TMEM117: variants seen among roughly 807,000 people sequenced by gnomAD.
TMEM117 encodes the protein transmembrane protein 117.
Under a neutral mutation model 52.4 loss-of-function variants are expected in TMEM117, and 27 were observed. The ratio of observed to expected loss-of-function variants is 0.51; its 90% CI spans 0.38 to 0.71. The LOEUF is 0.71. Among genes scored for constraint, TMEM117 ranks in the 30% least tolerant of loss-of-function variants. The pLI is 0.00. For synonymous variants in TMEM117, 215 were observed against 206.3 expected, an observed-to-expected ratio of 1.04 and a Z score of -0.36; for missense variants, 556 against 630.5, an observed-to-expected ratio of 0.88 and a Z score of 1.26.
intron 5 of TMEM117, among the ~76,000 whole-genome samples, chr12:44,219,854 G>A (rs774220484): frequency 3.3e-5 from 5 of 152,080 alleles, no homozygotes; most frequent in Non-Finnish European, 5.9e-5. Context: ...AGAACAGTTG[G>A]TATCTAAAGT....
intron 6 of TMEM117, among the ~76,000 whole-genome samples, chr12:44,348,433 C>T (rs1376529606): frequency 6.6e-6 from 1 of 151,786 alleles, no homozygotes; most frequent in Non-Finnish European, 1.5e-5. Flanking sequence ...ACCAATACCC[C>T]CTTTTCTTAG....
intron 2 of TMEM117, among the ~76,000 whole-genome samples, chr12:43,913,613 A>G (rs570873182): frequency 6.6e-6 from 1 of 152,242 alleles, no homozygotes; most frequent in East Asian, 1.9e-4. Context: ...ATTTAAATCT[A>G]ACATCCAGGT....
intron 7 of TMEM117, among the ~76,000 whole-genome samples, chr12:44,386,866 G>A (rs576210420): frequency 5.3e-5 from 8 of 151,890 alleles, no homozygotes; most frequent in African/African-American, 1.2e-4. Flanking sequence ...TAAACTCCTC[G>A]CAGTTATGTC....
At chr12:44,134,595 G>A (rs547010600) in intron 3 of TMEM117, among the ~76,000 whole-genome samples, 1 of 152,214 alleles carries the variant, frequency 6.6e-6, no homozygotes, top group South Asian at 2.1e-4. Context: ...ACAAAGTGTG[G>A]GCACATCTGT....
intron 7 of TMEM117, among the ~76,000 whole-genome samples, chr12:44,379,535 G>T (rs1299257155): frequency 1.3e-5 from 2 of 152,154 alleles, no homozygotes; most frequent in African/African-American, 2.4e-5. Flanking sequence ...TTTCTCTCTT[G>T]CTTTTGTTCT....
At chr12:44,358,084 A>G (rs1412994328) in intron 6 of TMEM117, among the ~76,000 whole-genome samples, 1 of 152,150 alleles carries the variant, frequency 6.6e-6, no homozygotes, top group Non-Finnish European at 1.5e-5. Flanking sequence ...GAAACCAAAT[A>G]CCACATGTTG....
intron 6 of TMEM117, among the ~76,000 whole-genome samples, chr12:44,343,336 A>G (rs1207893122): frequency 6.6e-6 from 1 of 152,068 alleles, no homozygotes; most frequent in Non-Finnish European, 1.5e-5. Flanking sequence ...TTCAGTTGTT[A>G]TTTCCTATGG....
intron 4 of TMEM117, among the ~76,000 whole-genome samples, chr12:44,201,968 CAT>C (rs1220148816): frequency 1.3e-5 from 2 of 151,828 alleles, no homozygotes; most frequent in Admixed American, 6.6e-5. Context: ...ATCTTTATAT[CAT>C]GTGATATATC....
chr12:44,119,915 G>A (rs940759297), intron 3 of TMEM117, among the ~76,000 whole-genome samples: 1 of 152,170 alleles, frequency 6.6e-6, no homozygotes, highest in African/African-American at 2.4e-5. Context: ...TGCTCACCAT[G>A]GGCAGTGGTG....
intron 5 of TMEM117, among the ~76,000 whole-genome samples, chr12:44,219,528 A>G (rs1199452940): frequency 3.3e-5 from 5 of 152,154 alleles, no homozygotes; most frequent in African/African-American, 1.2e-4. Flanking sequence ...ATGATGTATT[A>G]CCAGAAACTT....
intron 6 of TMEM117, among the ~76,000 whole-genome samples, chr12:44,337,833 GA>G (rs1177028666): frequency 6.6e-6 from 1 of 152,026 alleles, no homozygotes; most frequent in African/African-American, 2.4e-5. Flanking sequence ...ATATTTGGGG[GA>G]AAATGTATAA....
intron 2 of TMEM117, among the ~76,000 whole-genome samples, chr12:43,861,241 C>T (rs1943483821): frequency 6.6e-6 from 1 of 152,036 alleles, no homozygotes; most frequent in Non-Finnish European, 1.5e-5. Context: ...ACTCTCAGAT[C>T]CCCCCATAGA....
rs1236771006 is a variant in TMEM117 at position 44,388,899 on chromosome 12, A to G, written c.*227A>G. On this transcript the variant is annotated 3_prime_UTR_variant, in exon 8 of 8. Coordinates refer to ENST00000266534, the MANE Select transcript of TMEM117 (RefSeq NM_032256.3). Reference sequence around the variant, plus strand: ...AGTCCTCTAGAGATTGCTTTTCACAATTGCACAAGCTATTACTGACTTTAC... The same window carrying G: ...AGTCCTCTAGAGATTGCTTTTCACAGTTGCACAAGCTATTACTGACTTTAC... 1 of 525,102 alleles carries G rather than the reference A, an allele frequency of 1.9e-6. No homozygotes were observed. The allele number at this position is 525,102 out of a possible 1,614,324, so 32.5% of individuals were successfully genotyped here. A position where few individuals can be genotyped will look rare whatever the true frequency, so the allele number is the denominator to read the frequency against.
rs572214629 is a variant in TMEM117 at position 44,195,935 on chromosome 12, A to G, written c.511-15355A>G. On this transcript the variant is annotated intron_variant, in intron 4 of 7. Transcript: ENST00000266534. ...AAATAAATAAATAAATAAATAAATAAATAACTGGGCATGGTGACACATACT... is the reference window on the plus strand; with the variant it reads ...AAATAAATAAATAAATAAATAAATAGATAACTGGGCATGGTGACACATACT... Among the ~76,000 whole-genome samples the G allele has an allele frequency of 3.3e-5, 5 of 149,412 alleles. No individual in the cohort carries two copies. The East Asian group carries it at 9.8e-4, about 29-fold the overall frequency.
At position 44,230,678 on chromosome 12, in the gene TMEM117, A is replaced by G. The variant is rs535862973; in HGVS notation, c.608+19291A>G. ...GGTACTTCCCTATTTACAATCATCA[A>G]TTGGCTCCCCTGTGCTCTTATAACT... On this transcript the variant is annotated intron_variant, in intron 5 of 7. Coordinates refer to ENST00000266534, the MANE Select transcript of TMEM117 (RefSeq NM_032256.3). 1.2e-3 allele frequency among the ~76,000 whole-genome samples: 181 copies of G among 152,112 alleles called. 3 individuals carry two copies. Among genetic ancestry groups the G allele is most frequent in the South Asian group, 3.7e-3 (18 of 4,828 alleles).
chr12:43,815,539 G>A, the TMEM117 span, among the ~76,000 whole-genome samples: 5 of 152,200 alleles, frequency 3.3e-5, no homozygotes, highest in Non-Finnish European at 5.9e-5. Flanking sequence ...AGGCAGCCTG[G>A]CGATAAAATA....
chr12:44,238,198 TAA>T (rs1332697346), intron 5 of TMEM117, among the ~76,000 whole-genome samples: 2 of 152,188 alleles, frequency 1.3e-5, no homozygotes, highest in African/African-American at 4.8e-5. Context: ...TTAGAAAAGT[TAA>T]AAGAGTTGAG....
intron 6 of TMEM117, among the ~76,000 whole-genome samples, chr12:44,323,008 A>T (rs1037216759): frequency 5.3e-5 from 8 of 152,166 alleles, no homozygotes; most frequent in Admixed American, 5.2e-4. Context: ...TCTTTAAAAG[A>T]GGAAGAGGGA....
chr12:44,387,317 A>T (rs183207663), intron 7 of TMEM117, among the ~76,000 whole-genome samples: 53 of 151,948 alleles, frequency 3.5e-4, no homozygotes, highest in African/African-American at 1.2e-3. Context: ...AAGATCATTA[A>T]ATATTGTATT....
Sources: gnomAD v4.1 joint callset for allele counts (sites outside exome capture counted in the v4.1 genomes callset) on GRCh38, gnomAD v4.1.1 for gene constraint, MANE v1.5 for transcripts, NCBI Gene and HGNC (gene_info 2026-07-23, HGNC 2026-07-21) for gene names.